The following TJP1 variants were observed in gnomAD, a reference collection of about 807,000 sequenced individuals.
TJP1 encodes the protein tight junction protein 1.
Under a neutral mutation model 194.2 loss-of-function variants are expected in TJP1, and 43 were observed. That is an observed-to-expected ratio of 0.22 (90% CI 0.17 to 0.29). TJP1 has a LOEUF of 0.29. Among genes scored for constraint, TJP1 ranks in the 10% least tolerant of loss-of-function variants. The pLI is 1.00. For missense variants in TJP1, 1,971 were observed against 2,185.7 expected (o/e 0.90, Z 1.96); for synonymous variants, 801 against 779.0 (o/e 1.03, Z -0.47).
At chr15:29,821,870 C>A in intron 1 of TJP1, 132 bp downstream of exon 1, 1 of 910,186 alleles carries the variant, frequency 1.1e-6, no homozygotes, top group South Asian at 5.0e-5. Context: ...GGCCCCGCGC[C>A]AGCCCTGCCC....
At chr15:29,707,531 G>A (rs746563971) in intron 25 of TJP1, among the ~76,000 whole-genome samples, 2 of 152,110 alleles carry the variant, frequency 1.3e-5, no homozygotes, top group Non-Finnish European at 2.9e-5. Flanking sequence ...AGACTCAGGT[G>A]GCCATCCTGA....
At chr15:29,956,439 T>C in intron 1 of TJP1, 1 of 1,210,608 alleles carries the variant, frequency 8.3e-7, no homozygotes, top group Non-Finnish European at 1.1e-6. Context: ...GGTAAGCATT[T>C]ACTCAAAGGC....
intron 5 of TJP1, among the ~76,000 whole-genome samples, chr15:29,763,765 C>T (rs867819545): frequency 2.0e-5 from 1 of 49,758 alleles, no homozygotes; most frequent in Admixed American, 2.6e-4. Flanking sequence ...GAGACTCCGT[C>T]TCAAAAAAAA....
intron 1 of TJP1, among the ~76,000 whole-genome samples, chr15:29,964,281 G>A (rs887361215): frequency 7.9e-5 from 12 of 152,112 alleles, no homozygotes; most frequent in Admixed American, 5.9e-4. Flanking sequence ...TAGTTGCAGT[G>A]GAGATTCTAA....
intron 2 of TJP1, among the ~76,000 whole-genome samples, chr15:29,940,961 G>T (rs549886203): frequency 1.3e-5 from 2 of 152,046 alleles, no homozygotes; most frequent in Non-Finnish European, 2.9e-5. Flanking sequence ...TTTCACAGAT[G>T]GGGGAGGAAG....
intron 2 of TJP1, among the ~76,000 whole-genome samples, chr15:29,945,799 A>G (rs953873583): frequency 9.3e-5 from 9 of 96,656 alleles, no homozygotes; most frequent in African/African-American, 1.6e-4. Context: ...ACACACACAC[A>G]CGCACACACA....
At chr15:29,838,612 CTG>C (rs34137363) in intron 2 of TJP1, among the ~76,000 whole-genome samples, 125,620 of 150,122 alleles carry the variant, frequency 0.84, 52,925 homozygotes, top group East Asian at 0.96. Flanking sequence ...CTCTGTGTGT[CTG>C]TGTGTGTGTG....
At position 29,800,642 on chromosome 15, in the gene TJP1, T is replaced by C. The variant is rs1388827334; in HGVS notation, c.84+4A>G. 6.2e-7 allele frequency: 1 copy of C among 1,613,912 alleles called. No individual in the cohort carries two copies. Among genetic ancestry groups the C allele is most frequent in the Admixed American group, 1.7e-5 (1 of 60,012 alleles). ...ACAGATTACTTACTGCAACACAAAC[T>C]TACCCTGTGAAGCGTCACTGTATGT... On this transcript the variant is annotated splice_donor_region_variant and intron_variant, in intron 2 of 27. Transcript: ENST00000614355.
intron 2 of TJP1, among the ~76,000 whole-genome samples, chr15:29,950,224 T>TACCTCCACC (rs2055685543): frequency 1.3e-5 from 1 of 77,194 alleles, no homozygotes; most frequent in Non-Finnish European, 2.7e-5. Context: ...TTACCACCGC[T>TACCTCCACC]ACCTCCACCA....
chr15:29,741,329 A>G lies in TJP1; in HGVS notation c.1256+2T>C. On this transcript the variant is annotated splice_donor_variant, in intron 10 of 27. Transcript: ENST00000614355. LOFTEE classifies it high-confidence loss of function. ...AACAATACAACTTTAAAATTGTATT[A>G]CCGAAGAATCCCATCTTCATGAGTT... The G allele has an allele frequency of 6.3e-7, 1 of 1,580,892 alleles. No homozygotes were observed. Among genetic ancestry groups the G allele is most frequent in the East Asian group, 2.2e-5 (1 of 44,560 alleles).
At chr15:29,815,998 T>C (rs2049889312) in intron 1 of TJP1, among the ~76,000 whole-genome samples, 1 of 151,788 alleles carries the variant, frequency 6.6e-6, no homozygotes, top group African/African-American at 2.4e-5. Context: ...TCCACCTCAT[T>C]ATTTATTGGT....
intron 2 of TJP1, among the ~76,000 whole-genome samples, chr15:29,905,612 T>C (rs930814471): frequency 5.9e-5 from 9 of 152,244 alleles, no homozygotes; most frequent in Non-Finnish European, 8.8e-5. Flanking sequence ...GTAACCAAGA[T>C]GTCCTCAAAC....
Position 29,748,004 on chromosome 15 carries a change from T to C in TJP1, c.1011-5223A>G, listed in dbSNP as rs1216307654. On this transcript the variant is annotated intron_variant, in intron 8 of 27. Coordinates refer to ENST00000614355, the MANE Select transcript of TJP1 (RefSeq NM_001330239.4). ...TTTCATACAATTAATATTTGAAATA[T>C]TAGCTTTTGTTAGTGCATTTCCATT... 6.6e-5 allele frequency among the ~76,000 whole-genome samples: 10 copies of C among 152,308 alleles called. No individual in the cohort carries two copies. The East Asian group carries it at 1.9e-3, about 29-fold the overall frequency.
intron 22 of TJP1, among the ~76,000 whole-genome samples, 170 bp downstream of exon 22, chr15:29,717,850 CT>C (rs1430462953): frequency 6.6e-6 from 1 of 152,098 alleles, no homozygotes; most frequent in Non-Finnish European, 1.5e-5. Context: ...TAAAGTTCTA[CT>C]TTTTTTCCCC....
intron 17 of TJP1, 128 bp downstream of exon 17, chr15:29,726,653 T>A: frequency 8.7e-7 from 1 of 1,150,766 alleles, no homozygotes; most frequent in Non-Finnish European, 1.2e-6. Context: ...CAGCAGGTGT[T>A]AACACAACAG....
At chr15:29,947,108 T>C (rs1236008626) in intron 2 of TJP1, among the ~76,000 whole-genome samples, 1 of 152,244 alleles carries the variant, frequency 6.6e-6, no homozygotes, top group Non-Finnish European at 1.5e-5. Flanking sequence ...ATTTTAGTTG[T>C]ATAAATCTAA....
intron 16 of TJP1, 142 bp downstream of exon 16, chr15:29,727,795 G>A (rs2043335392): frequency 1.6e-6 from 1 of 634,922 alleles, no homozygotes; most frequent in Middle Eastern, 4.3e-4. Flanking sequence ...TCATTATAAT[G>A]CTTTTCAGTA....
chr15:29,718,288 A>G lies in TJP1; in HGVS notation c.3854T>C (p.Val1285Ala), dbSNP rs555979604. Residue 1285 changes from valine (V) to alanine (A), a missense_variant, in exon 21 of 28, where the codon GTA becomes GCA. Val to Ala is a moderately conservative substitution (Grantham distance 64). Coordinates refer to ENST00000614355, the MANE Select transcript of TJP1 (RefSeq NM_001330239.4). ...RSASLETKKD[V>A]NDTGSFKPPE... ...TACCTTAAAACTGCCAGTGTCATTT[A>G]CATCCTTCTTGGTCTCTAAGGATGC... The G allele has an allele frequency of 6.2e-7, 1 of 1,613,608 alleles. No homozygotes were observed. Among genetic ancestry groups the G allele is most frequent in the South Asian group, 1.1e-5 (1 of 90,958 alleles).
chr15:29,704,146 A>G lies in TJP1; in HGVS notation c.5212+16T>C. 10 of 1,552,026 alleles carry G rather than the reference A, an allele frequency of 6.4e-6. No individual in the cohort carries two copies. The highest frequency in any genetic ancestry group is 8.7e-6 in the Non-Finnish European group (10 of 1,146,744). ...AGTCCCCAAAGCTCCCAAAGGACAG[A>G]GTGAAGACAGCATACCCGACGAGGA... is the stretch of plus-strand genomic sequence containing the variant. On this transcript the variant is annotated intron_variant, in intron 27 of 27. Transcript: ENST00000614355.
Sources: allele counts gnomAD v4.1 joint callset (sites outside exome capture counted in the v4.1 genomes callset), GRCh38; gene constraint gnomAD v4.1.1; transcripts MANE v1.5; gene names NCBI Gene and HGNC (gene_info 2026-07-23, HGNC 2026-07-21).